Variants in HOMER2 observed in about 807,000 individuals in gnomAD.
The protein encoded by HOMER2 is homer protein homolog 2.
HOMER2 carries 27 observed loss-of-function variants against 47.0 expected under a neutral mutation model. That is an observed-to-expected ratio of 0.57 (90% CI 0.42 to 0.79). HOMER2 has a LOEUF of 0.79. Among genes scored for constraint, HOMER2 ranks in the 30% least tolerant of loss-of-function variants. The pLI, the probability that HOMER2 is intolerant of heterozygous loss-of-function variation, is 0.00. For synonymous variants in HOMER2, 161 were observed against 163.8 expected (o/e 0.98, Z 0.13); for missense variants, 443 against 435.0 (o/e 1.02, Z -0.16).
chr15:82,847,120 T>A (rs1302048694), downstream of HOMER2: 1 of 152,154 alleles, frequency 6.6e-6, no homozygotes, highest in African/African-American at 2.4e-5. Context: ...CACGAGTGAA[T>A]GGCTTACATT....
At chr15:82,939,619 G>C (rs1357492717) in intron 1 of HOMER2, among the ~76,000 whole-genome samples, 1 of 152,098 alleles carries the variant, frequency 6.6e-6, no homozygotes, top group East Asian at 1.9e-4. Flanking sequence ...TCAGTGAGCC[G>C]AGACTGCACC....
At chr15:82,943,513 T>A (rs961304637) in intron 1 of HOMER2, among the ~76,000 whole-genome samples, 1 of 152,206 alleles carries the variant, frequency 6.6e-6, no homozygotes, top group Non-Finnish European at 1.5e-5. Flanking sequence ...CTTTTCCCCA[T>A]GAGGACTCTC....
chr15:82,972,076 A>G (rs542338917), intron 1 of HOMER2, among the ~76,000 whole-genome samples: 2 of 152,114 alleles, frequency 1.3e-5, no homozygotes, highest in Non-Finnish European at 2.9e-5. Flanking sequence ...AAATTCACCC[A>G]TTGTAAGTGT....
At chr15:82,984,508 G>A (rs1482630479) in intron 1 of HOMER2, among the ~76,000 whole-genome samples, 1 of 152,174 alleles carries the variant, frequency 6.6e-6, no homozygotes, top group African/African-American at 2.4e-5. Flanking sequence ...TTTATTCAGT[G>A]CTAACGTCAT....
upstream of HOMER2, among the ~76,000 whole-genome samples, chr15:82,954,181 T>C (rs2054561644): frequency 6.6e-6 from 1 of 152,172 alleles, no homozygotes; most frequent in Non-Finnish European, 1.5e-5. Flanking sequence ...GAAAGTGAGC[T>C]TGTAGAACAC....
At chr15:82,836,113 G>A (rs1160191420), downstream of HOMER2, 5 of 152,212 alleles carry the variant, frequency 3.3e-5, no homozygotes, top group Non-Finnish European at 7.3e-5. Flanking sequence ...GCCCAATTGT[G>A]TCTTCTGTGC....
Position 82,918,969 on chromosome 15 carries a change from G to A in HOMER2, c.6-26128C>T, listed in dbSNP as rs114242058. 1.7e-3 allele frequency among the ~76,000 whole-genome samples: 252 copies of A among 152,248 alleles called. 1 individual carries two copies. The highest frequency in any genetic ancestry group is 5.7e-3 in the African/African-American group (235 of 41,534). The stretch of plus-strand genomic sequence containing the variant: ...TTTCCAGAAGGTGTCTTAAAGAAGC[G>A]TTTTTTTCTAATTTGTACAAAGATG... On this transcript the variant is annotated intron_variant, in intron 1 of 8. Transcript: ENST00000450735.
intron 1 of HOMER2, among the ~76,000 whole-genome samples, chr15:82,914,917 C>T (rs1479764954): frequency 6.6e-6 from 1 of 152,132 alleles, no homozygotes; most frequent in Non-Finnish European, 1.5e-5. Context: ...GGCACAGTGG[C>T]TCACACCTGT....
At chr15:82,952,029 C>A in intron 1 of HOMER2, 1 of 984,102 alleles carries the variant, frequency 1.0e-6, no homozygotes, top group Non-Finnish European at 1.2e-6. Flanking sequence ...TTATAGACTT[C>A]CATCATCTTC....
chr15:82,942,412 C>G (rs1249443996), intron 1 of HOMER2, among the ~76,000 whole-genome samples: 3 of 152,228 alleles, frequency 2.0e-5, no homozygotes, highest in African/African-American at 7.2e-5. Flanking sequence ...CAGAGACATA[C>G]AGGGACCCTG....
intron 1 of HOMER2, among the ~76,000 whole-genome samples, chr15:82,904,311 G>T (rs1271225083): frequency 6.6e-6 from 1 of 152,140 alleles, no homozygotes; most frequent in African/African-American, 2.4e-5. Context: ...TGAGTGCCAG[G>T]GCAGGAAAAC....
At chr15:82,845,472 T>A (rs2051230298), downstream of HOMER2, 1 of 152,214 alleles carries the variant, frequency 6.6e-6, no homozygotes, top group Admixed American at 6.5e-5. Flanking sequence ...CTCCAGAATA[T>A]ATACTGTTTC....
At chr15:82,938,385 GA>G (rs1460635797) in intron 1 of HOMER2, among the ~76,000 whole-genome samples, 6 of 152,164 alleles carry the variant, frequency 3.9e-5, no homozygotes, top group Middle Eastern at 6.8e-3. Flanking sequence ...CGCAAAAAAA[GA>G]AAATGCCAGC....
chr15:82,931,899 C>T (rs1222721912), intron 1 of HOMER2, among the ~76,000 whole-genome samples: 1 of 152,214 alleles, frequency 6.6e-6, no homozygotes, highest in Non-Finnish European at 1.5e-5. Context: ...GACACTCTCA[C>T]AAAGTCAAAC....
At chr15:82,946,318 C>T (rs947633293) in intron 1 of HOMER2, among the ~76,000 whole-genome samples, 3 of 152,194 alleles carry the variant, frequency 2.0e-5, no homozygotes, top group East Asian at 1.9e-4. Context: ...CAGTTTCCAA[C>T]GAGAATGATG....
chr15:82,958,265 T>C (rs988183266), exon 2 of HOMER2: 4 of 152,236 alleles, frequency 2.6e-5, no homozygotes, highest in African/African-American at 9.6e-5. Context: ...AAAGGGGATG[T>C]GTGAGTTGGG....
At chr15:82,859,455 G>A (rs1297584837) in intron 4 of HOMER2, among the ~76,000 whole-genome samples, 1 of 152,166 alleles carries the variant, frequency 6.6e-6, no homozygotes, top group African/African-American at 2.4e-5. Context: ...AGTGCTCAGA[G>A]CCTTTTTACT....
At chr15:82,929,593 T>C (rs2053952366) in intron 1 of HOMER2, among the ~76,000 whole-genome samples, 1 of 146,998 alleles carries the variant, frequency 6.8e-6, no homozygotes. Context: ...GAGGCGGAGA[T>C]TGCAGTGAGC....
rs570622059 is a variant in HOMER2 at position 82,945,835 on chromosome 15, T to C, written c.5+6696A>G. ...AATACAAAAAATTAGCCGGGTGTGGTGGCAGGCGCCTGTAGTCCCAGCTAC... is the reference window on the plus strand; with the variant it reads ...AATACAAAAAATTAGCCGGGTGTGGCGGCAGGCGCCTGTAGTCCCAGCTAC... On this transcript the variant is annotated intron_variant, in intron 1 of 8. Transcript: ENST00000450735. 1.6e-4 allele frequency among the ~76,000 whole-genome samples: 24 copies of C among 152,094 alleles called. No individual in the cohort carries two copies. The East Asian group carries it at 3.7e-3, about 23-fold the overall frequency.
Sources: allele counts gnomAD v4.1 joint callset (sites outside exome capture counted in the v4.1 genomes callset), GRCh38; gene constraint gnomAD v4.1.1; transcripts MANE v1.5; gene names NCBI Gene and HGNC (gene_info 2026-07-23, HGNC 2026-07-21).